The following SDK2 variants were observed in gnomAD, a reference collection of about 807,000 sequenced individuals.
SDK2 encodes sidekick cell adhesion molecule 2.
In SDK2, 105 loss-of-function variants were observed where a neutral mutation model predicts 253.9. That is an observed-to-expected ratio of 0.41 (90% CI 0.35 to 0.49). The LOEUF (loss-of-function observed/expected upper bound fraction) is 0.49, where lower values mean the gene tolerates loss of function less well. Among genes scored for constraint, SDK2 ranks in the 20% least tolerant of loss-of-function variants. The pLI is 0.06. For synonymous variants in SDK2, 1,249 were observed against 1,234.9 expected, an observed-to-expected ratio of 1.01 and a Z score of -0.24; for missense variants, 2,608 against 3,003.0, an observed-to-expected ratio of 0.87 and a Z score of 3.07.
In SDK2 at chr17:73,422,440, G is replaced by C. The variant is rs1332443364; in HGVS notation, c.1898-6C>G. On this transcript the variant is annotated splice_region_variant and splice_polypyrimidine_tract_variant and intron_variant, in intron 14 of 44. Coordinates refer to ENST00000392650, the MANE Select transcript of SDK2 (RefSeq NM_001144952.2). The stretch of plus-strand genomic sequence containing the variant: ...GAGTACAGTCCAGGGGGCATCTGCA[G>C]GGACAGTGAGTGGGGCAGAAGTGGG... 1 of 1,613,628 alleles carries C rather than the reference G, an allele frequency of 6.2e-7. No individual in the cohort carries two copies. The highest frequency in any genetic ancestry group is 8.5e-7 in the Non-Finnish European group (1 of 1,179,632).
At chr17:73,637,915 G>A (rs575053142) in intron 1 of SDK2, among the ~76,000 whole-genome samples, 9 of 152,296 alleles carry the variant, frequency 5.9e-5, no homozygotes, top group East Asian at 1.9e-4. Flanking sequence ...TTCATCTGTC[G>A]GGCCAGAATC....
chr17:73,403,297 T>TA (rs1464236341), intron 18 of SDK2, among the ~76,000 whole-genome samples: 1 of 152,196 alleles, frequency 6.6e-6, no homozygotes, highest in Non-Finnish European at 1.5e-5. Context: ...ATTATCCTCT[T>TA]ACACTCCTTC....
intron 36 of SDK2, among the ~76,000 whole-genome samples, chr17:73,369,793 C>T (rs2062719544): frequency 6.6e-6 from 1 of 152,136 alleles, no homozygotes; most frequent in African/African-American, 2.4e-5. Context: ...ACACAGGCAC[C>T]CGCCACCACG....
At position 73,352,579 on chromosome 17, in the gene SDK2, C is replaced by A; in HGVS notation, c.5652G>T (p.Thr1884=). The change falls in exon 41 of 45, where the codon ACG becomes ACT. Residue 1884 remains threonine (T), a synonymous_variant. Coordinates refer to ENST00000392650, the MANE Select transcript of SDK2 (RefSeq NM_001144952.2). This position sits in a 1 kb window ranked among gnomAD's most constrained non-coding sequence, Gnocchi z 4.1. ...KDIPKEVSSY[T]FSMDILKPGV... is the part of the protein sequence containing the mutation. Reference sequence around the variant, plus strand: ...CCGGCTTCAGGATGTCCATGCTGAACGTGTAGGAGCTCACCTCCTTGGGGA... The same window carrying A: ...CCGGCTTCAGGATGTCCATGCTGAAAGTGTAGGAGCTCACCTCCTTGGGGA... 2 of 1,614,038 alleles carry A rather than the reference C, an allele frequency of 1.2e-6. No individual in the cohort carries two copies. Among genetic ancestry groups the A allele is most frequent in the Non-Finnish European group, 1.7e-6 (2 of 1,179,886 alleles).
intron 27 of SDK2, among the ~76,000 whole-genome samples, chr17:73,392,302 C>T (rs2062934890): frequency 6.6e-6 from 1 of 151,258 alleles, no homozygotes; most frequent in Non-Finnish European, 1.5e-5. Flanking sequence ...CCGAGTCTCG[C>T]TCTGTTGCCC....
intron 21 of SDK2, among the ~76,000 whole-genome samples, chr17:73,399,792 G>A (rs2063007415): frequency 6.6e-6 from 1 of 152,160 alleles, no homozygotes; most frequent in East Asian, 1.9e-4. Context: ...GGGGCTCTTG[G>A]AGCTCAGGAA....
chr17:73,407,018 G>C (rs2063084596), intron 18 of SDK2, among the ~76,000 whole-genome samples: 1 of 152,196 alleles, frequency 6.6e-6, no homozygotes, highest in South Asian at 2.1e-4. Flanking sequence ...ATGGACAAAA[G>C]ACCAATGAGA....
rs1382963429 is a variant in SDK2, at chr17:73,414,872, C to CA, written c.2369-114_2369-113insT. ...GCTATAGCCTCTGCCTTGCACCCCC[C>CA]TACCCCACCCCAACTCCTCCCTCGC... On this transcript the variant is annotated intron_variant, in intron 17 of 44. Coordinates refer to ENST00000392650, the MANE Select transcript of SDK2 (RefSeq NM_001144952.2). 7 of 654,302 alleles carry CA rather than the reference C, an allele frequency of 1.1e-5. No individual in the cohort carries two copies. The African/African-American group carries it at 1.1e-4, about 10-fold the overall frequency. The allele number at this position is 654,302 out of a possible 1,614,324, so 40.5% of individuals were successfully genotyped here.
rs770407721 is a variant in SDK2 at position 73,419,147 on chromosome 17, C to T, written c.2186+19G>A. The stretch of plus-strand genomic sequence containing the variant: ...TTTCCCCTTGGGACTGGGCTCCTGT[C>T]CCCAGGGTGGACACCCACCTGATGA... On this transcript the variant is annotated intron_variant, in intron 16 of 44. Transcript: ENST00000392650. The T allele has an allele frequency of 1.6e-5, 25 of 1,609,532 alleles. No individual in the cohort carries two copies. The highest frequency in any genetic ancestry group is 1.0e-5 in the Non-Finnish European group (12 of 1,178,300).
chr17:73,508,016 T>C lies in SDK2; in HGVS notation c.65-419A>G, dbSNP rs139116204. On this transcript the variant is annotated intron_variant, in intron 1 of 44. Transcript: ENST00000392650. ...GTCACAAGGAGAATAGGGAGGCAGA[T>C]TGACAACTGTAGGGGGTAAAGGGTC... Among the ~76,000 whole-genome samples, 377 of 152,328 alleles carry C rather than the reference T, an allele frequency of 2.5e-3. 1 individual carries two copies. The highest frequency in any genetic ancestry group is 8.8e-3 in the African/African-American group (365 of 41,574).
At chr17:73,545,099 G>GCGCA (rs147498499) in intron 1 of SDK2, among the ~76,000 whole-genome samples, 2 of 145,716 alleles carry the variant, frequency 1.4e-5, no homozygotes, top group South Asian at 2.2e-4. Flanking sequence ...GCACGTGCAC[G>GCGCA]CACACACACA....
intron 1 of SDK2, among the ~76,000 whole-genome samples, chr17:73,608,364 C>T (rs934733246): frequency 1.5e-4 from 23 of 152,092 alleles, no homozygotes; most frequent in African/African-American, 7.2e-5. Context: ...CAACATGCCT[C>T]GTCGCTGACT....
At chr17:73,524,349 G>C (rs1046311882) in intron 1 of SDK2, among the ~76,000 whole-genome samples, 1 of 152,046 alleles carries the variant, frequency 6.6e-6, no homozygotes, top group African/African-American at 2.4e-5. Context: ...CATGGCCCCC[G>C]CCCGCCCCGG....
Position 73,358,157 on chromosome 17 carries a change from C to A in SDK2, c.5515G>T (p.Ala1839Ser). Reference sequence around the variant, plus strand: ...CCGCTGGACCAGTGAATGGCGATGGCAGAGCTGTACCGCACGATGATGGGC... The same window carrying A: ...CCGCTGGACCAGTGAATGGCGATGGAAGAGCTGTACCGCACGATGATGGGC... ...GVPIIVRYSS[A>S]IAIHWSSGDP... is the part of the protein sequence containing the mutation. The change falls in exon 40 of 45, where the codon GCC becomes TCC. Residue 1839 changes from alanine to serine, a missense_variant. Around this residue, in one of 2 missense-constraint regions of SDK2, gnomAD observed 1,103 missense variants for 1,143.9 expected, o/e 0.96. Coordinates refer to ENST00000392650, the MANE Select transcript of SDK2 (RefSeq NM_001144952.2). 1 of 1,612,636 alleles carries A rather than the reference C, an allele frequency of 6.2e-7. No homozygotes were observed. Among genetic ancestry groups the A allele is most frequent in the Non-Finnish European group, 8.5e-7 (1 of 1,179,556 alleles).
Position 73,380,959 on chromosome 17 carries a change from T to TTGGGGGGGG in SDK2, c.4706-10_4706-9insCCCCCCCCA. 1 of 592,198 alleles carries TTGGGGGGGG rather than the reference T, an allele frequency of 1.7e-6. No homozygotes were observed. The highest frequency in any genetic ancestry group is 2.2e-5 in the African/African-American group (1 of 46,268). 36.7% of individuals were successfully genotyped at this position (592,198 alleles called of 1,614,324 possible). A position where few individuals can be genotyped will look rare whatever the true frequency, so the allele number is the denominator to read the frequency against. On this transcript the variant is annotated splice_polypyrimidine_tract_variant and intron_variant, in intron 33 of 44. Coordinates refer to ENST00000392650, the MANE Select transcript of SDK2 (RefSeq NM_001144952.2). ...CCGCATGGAGTACATGGCTATGGGGTGGGGGTGCCGGGGCGGGGGCGCAGA... is the reference window on the plus strand; with the variant it reads ...CCGCATGGAGTACATGGCTATGGGGTTGGGGGGGGGGGGGTGCCGGGGCGGGGGCGCAGA...
Position 73,643,497 on chromosome 17 carries a change from C to T in SDK2, c.64+528G>A, listed in dbSNP as rs909628180. Among the ~76,000 whole-genome samples the T allele has an allele frequency of 1.3e-5, 2 of 152,142 alleles. No homozygotes were observed. The highest frequency in any genetic ancestry group is 1.9e-4 in the East Asian group (1 of 5,138). On this transcript the variant is annotated intron_variant, in intron 1 of 44. Coordinates refer to ENST00000392650, the MANE Select transcript of SDK2 (RefSeq NM_001144952.2). The surrounding 1 kb of genome is among the most constrained non-coding windows in gnomAD (Gnocchi z 6.9). Reference sequence around the variant, plus strand: ...GGCCGAGCAGCCAGGGGCGGGCTCCCGTACGTGGCCAAGCCGGGCAATTGC... The same window carrying T: ...GGCCGAGCAGCCAGGGGCGGGCTCCTGTACGTGGCCAAGCCGGGCAATTGC...
intron 2 of SDK2, among the ~76,000 whole-genome samples, chr17:73,504,175 G>A (rs539807932): frequency 6.8e-6 from 1 of 147,980 alleles, no homozygotes; most frequent in South Asian, 2.2e-4. Context: ...AAGGACAGAG[G>A]AGATGGAGCA....
At chr17:73,585,822 T>A (rs775048621) in intron 1 of SDK2, among the ~76,000 whole-genome samples, 3 of 152,194 alleles carry the variant, frequency 2.0e-5, no homozygotes, top group Non-Finnish European at 4.4e-5. Context: ...ACTTCCTGTG[T>A]GACCCTGGGA....
At chr17:73,394,388 G>C in intron 25 of SDK2, 64 bp from the exon 26 acceptor site, 1 of 1,116,190 alleles carries the variant, frequency 9.0e-7, no homozygotes, top group South Asian at 2.3e-5. Context: ...CAAGGGAAGT[G>C]GACCAGGACA....
Sources: allele counts gnomAD v4.1 joint callset (sites outside exome capture counted in the v4.1 genomes callset), GRCh38; gene constraint gnomAD v4.1.1; regional missense constraint gnomAD v4.1.1; non-coding constraint Gnocchi (gnomAD v3.1); transcripts MANE v1.5; gene names NCBI Gene and HGNC (gene_info 2026-07-23, HGNC 2026-07-21).